Variants in NPIPB11 observed in about 807,000 individuals in gnomAD.
NPIPB11 encodes the protein nuclear pore complex-interacting protein family member B11.
A neutral mutation model predicts 32.8 loss-of-function variants in NPIPB11; 17 were observed. The observed-to-expected ratio is 0.52, with a 90% CI of 0.35 to 0.78. The LOEUF (loss-of-function observed/expected upper bound fraction) is 0.78, where lower values mean the gene tolerates loss of function less well. Ranked by LOEUF, NPIPB11 falls within the 30% of genes least tolerant of loss-of-function variation. The pLI, the probability that NPIPB11 is intolerant of heterozygous loss-of-function variation, is 0.01. For missense variants in NPIPB11, 537 were observed against 1,000.4 expected (o/e 0.54, Z 6.25); for synonymous variants, 209 against 398.4 (o/e 0.52, Z 5.66).
In NPIPB11 at chr16:29,399,439, C is replaced by A. The variant is rs1256637679; in HGVS notation, c.120+4244G>T. ...AACAGGGGCTGGGTGTGGTGGCTCA[C>A]GCCTGTAATCCCAGCACTTTGGGAG... is the stretch of plus-strand genomic sequence containing the variant. On this transcript the variant is annotated intron_variant, in intron 2 of 7. Coordinates refer to ENST00000524087, the Ensembl canonical transcript of NPIPB11. Among the ~76,000 whole-genome samples, 6 of 149,938 alleles carry A rather than the reference C, an allele frequency of 4.0e-5. 1 individual carries two copies. The South Asian group carries it at 8.7e-4, about 22-fold the overall frequency.
At chr16:29,397,772 G>C in intron 2 of NPIPB11, 1 of 167,830 alleles carries the variant, frequency 6.0e-6, no homozygotes, top group African/African-American at 9.2e-5. Context: ...GGGGGAGGGG[G>C]AAGGGAAGGG....
exon 3 of NPIPB11, chr16:29,394,021 G>A (rs1422550607): frequency 6.3e-7 from 1 of 1,599,384 alleles, no homozygotes; most frequent in Non-Finnish European, 8.5e-7. Flanking sequence ...ATGTAACCAA[G>A]GACTTCCACC....
At chr16:29,399,270 A>T (rs1963933003) in intron 2 of NPIPB11, among the ~76,000 whole-genome samples, 1 of 151,746 alleles carries the variant, frequency 6.6e-6, no homozygotes, top group Non-Finnish European at 1.5e-5. Flanking sequence ...GCAGCTGAAA[A>T]CCACTGCTTT....
intron 2 of NPIPB11, among the ~76,000 whole-genome samples, chr16:29,397,268 G>C (rs1963879961): frequency 6.6e-6 from 1 of 151,716 alleles, no homozygotes; most frequent in Non-Finnish European, 1.5e-5. Context: ...GTGCAGCGGG[G>C]CCATCTCGGC....
At chr16:29,382,263 G>C in exon 8 of NPIPB11, 1 of 1,603,732 alleles carries the variant, frequency 6.2e-7, no homozygotes, top group Non-Finnish European at 8.5e-7. Context: ...CGCTGAGGGT[G>C]GAAGCGGAAC....
chr16:29,393,619 T>G (rs1471300375), intron 3 of NPIPB11, among the ~76,000 whole-genome samples: 2 of 150,022 alleles, frequency 1.3e-5, no homozygotes, highest in East Asian at 3.9e-4. Context: ...ACCCATACGA[T>G]AGAACTATAA....
chr16:29,393,797 T>G (rs1596677937), intron 3 of NPIPB11, 151 bp downstream of exon 3: 8 of 1,209,134 alleles, frequency 6.6e-6, no homozygotes, highest in Non-Finnish European at 8.9e-6. Flanking sequence ...ATGGCAGATA[T>G]TTTCATAATT....
rs533203197 is a variant in NPIPB11 at position 29,390,395 on chromosome 16, G to A, written c.250-47C>T. The A allele has an allele frequency of 6.1e-4, 977 of 1,589,800 alleles. 26 individuals are homozygous for A. The East Asian group carries it at 0.021, about 35-fold the overall frequency. ...ATGACGGCTGGGCACGGTGGCTCAT[G>A]CGTATAATCCCAGTACTTCGGGAAG... On this transcript the variant is annotated intron_variant, in intron 3 of 7. Coordinates refer to ENST00000524087, the Ensembl canonical transcript of NPIPB11.
chr16:29,400,677 GA>G (rs1208255388), intron 2 of NPIPB11, among the ~76,000 whole-genome samples: 1 of 151,788 alleles, frequency 6.6e-6, no homozygotes, highest in Non-Finnish European at 1.5e-5. Context: ...TCCTGGATAA[GA>G]ATGAGGGTCT....
chr16:29,390,653 T>TACACACACACACAC lies in NPIPB11; in HGVS notation c.250-319_250-306dup, dbSNP rs56110526. On this transcript the variant is annotated intron_variant, in intron 3 of 7. Coordinates refer to ENST00000524087, the Ensembl canonical transcript of NPIPB11. ...AGCGACAGAATGAGACTCTGTCACA[T>TACACACACACACAC]ACACACACACACACACAAGAATGAC... Among the ~76,000 whole-genome samples, 506 of 146,866 alleles carry TACACACACACACAC rather than the reference T, an allele frequency of 3.4e-3. 2 individuals are homozygous for TACACACACACACAC. Among genetic ancestry groups the TACACACACACACAC allele is most frequent in the Admixed American group, 9.3e-3 (137 of 14,670 alleles).
chr16:29,406,325 T>G (rs1331767214), upstream of NPIPB11, among the ~76,000 whole-genome samples: 13 of 152,298 alleles, frequency 8.5e-5, no homozygotes, highest in Non-Finnish European at 1.8e-4. Flanking sequence ...ATGTTGTTGA[T>G]ATACGTGTTC....
At chr16:29,400,977 G>T (rs1477315284) in intron 2 of NPIPB11, among the ~76,000 whole-genome samples, 1 of 152,102 alleles carries the variant, frequency 6.6e-6, no homozygotes, top group African/African-American at 2.4e-5. Context: ...GCTCGCACCT[G>T]GGGCCTCATG....
chr16:29,402,570 TGC>T (rs1233977510), intron 2 of NPIPB11, among the ~76,000 whole-genome samples: 4 of 20,642 alleles, frequency 1.9e-4, no homozygotes, highest in Non-Finnish European at 2.7e-4. Flanking sequence ...GGCATGATGG[TGC>T]ACACACCTGT....
intron 5 of NPIPB11, among the ~76,000 whole-genome samples, chr16:29,389,734 T>A (rs1328297294): frequency 7.1e-6 from 1 of 140,774 alleles, no homozygotes; most frequent in East Asian, 2.3e-4. Context: ...TAGCAACTCC[T>A]CTTCCCCCGA....
At chr16:29,399,685 G>A (rs865883041) in intron 2 of NPIPB11, among the ~76,000 whole-genome samples, 61 of 152,028 alleles carry the variant, frequency 4.0e-4, no homozygotes, top group African/African-American at 6.3e-4. Flanking sequence ...GAGACAGAGC[G>A]AGACTCTGTC....
At chr16:29,402,724 C>G (rs166294) in intron 2 of NPIPB11, among the ~76,000 whole-genome samples, 8,350 of 119,302 alleles carry the variant, frequency 0.07, 465 homozygotes, top group East Asian at 0.23. Context: ...CTCTCTCTCT[C>G]TGTGTGTGTG....
intron 2 of NPIPB11, among the ~76,000 whole-genome samples, chr16:29,401,460 T>C (rs1396244019): frequency 2.0e-5 from 3 of 152,106 alleles, no homozygotes; most frequent in Non-Finnish European, 4.4e-5. Context: ...GTGATGATTT[T>C]GTGCAGCTCT....
At chr16:29,405,713 AT>A (rs999281778), upstream of NPIPB11, among the ~76,000 whole-genome samples, 20 of 152,262 alleles carry the variant, frequency 1.3e-4, no homozygotes, top group African/African-American at 4.6e-4. Flanking sequence ...AACACAGTCA[AT>A]GAAATTTCTA....
At chr16:29,395,669 A>C (rs1414022333) in intron 2 of NPIPB11, among the ~76,000 whole-genome samples, 1 of 150,086 alleles carries the variant, frequency 6.7e-6, no homozygotes, top group African/African-American at 2.5e-5. Context: ...ATAAGTATCA[A>C]ATTTTAGTGC....
Sources: allele counts gnomAD v4.1 joint callset (sites outside exome capture counted in the v4.1 genomes callset), GRCh38; gene constraint gnomAD v4.1.1; transcripts MANE v1.5; gene names NCBI Gene and HGNC (gene_info 2026-07-23, HGNC 2026-07-21).